Variants in CD34 observed in about 807,000 individuals in gnomAD.
The protein encoded by CD34 is hematopoietic progenitor cell antigen CD34.
Under a neutral mutation model 40.1 loss-of-function variants are expected in CD34, and 34 were observed. That is an observed-to-expected ratio of 0.85 (90% CI 0.65 to 1.13). CD34 has a LOEUF of 1.13. Ranked by LOEUF, CD34 falls within the 50% of genes most tolerant of loss-of-function variation. The probability of loss-of-function intolerance (pLI) is 0.00; values close to 1 mark genes in which losing one functional copy is unlikely to be tolerated. For synonymous variants in CD34, 209 were observed against 190.0 expected (o/e 1.10, Z -0.82); for missense variants, 426 against 466.9 (o/e 0.91, Z 0.81).
intron 4 of CD34, among the ~76,000 whole-genome samples, chr1:207,891,691 G>T (rs1370254260): frequency 6.6e-6 from 1 of 151,354 alleles, no homozygotes; most frequent in African/African-American, 2.4e-5. Flanking sequence ...AGTAACAGAT[G>T]CCTATGATAT....
chr1:207,909,440 G>T (rs186918029), intron 1 of CD34, among the ~76,000 whole-genome samples: 5 of 152,094 alleles, frequency 3.3e-5, no homozygotes, highest in South Asian at 2.1e-4. Context: ...AAGGAGTCTC[G>T]CTCTGTCTCC....
At position 207,897,483 on chromosome 1, in the gene CD34, GT is replaced by G. The variant is rs1558120502; in HGVS notation, c.597+9del. 6.4e-7 allele frequency: 1 copy of G among 1,550,804 alleles called. No homozygotes were observed. Among genetic ancestry groups the G allele is most frequent in the East Asian group, 2.4e-5 (1 of 41,492 alleles). On this transcript the variant is annotated intron_variant, in intron 4 of 7. Coordinates refer to ENST00000310833, the MANE Select transcript of CD34 (RefSeq NM_001025109.2). Reference sequence around the variant, plus strand: ...GCGGGAGGAAGAGGTTGGGTGGGGGGTTGACTTACACAGCTGGAGGTCTTAT... The same window carrying G: ...GCGGGAGGAAGAGGTTGGGTGGGGGGTGACTTACACAGCTGGAGGTCTTAT...
At chr1:207,907,991 C>T (rs151151359) in intron 1 of CD34, among the ~76,000 whole-genome samples, 385 of 152,286 alleles carry the variant, frequency 2.5e-3, no homozygotes, top group Non-Finnish European at 4.1e-3. Flanking sequence ...GGCCCAAGTA[C>T]CTGAGAGTGG....
intron 1 of CD34, among the ~76,000 whole-genome samples, chr1:207,902,256 G>A (rs1030550506): frequency 2.0e-5 from 3 of 152,200 alleles, no homozygotes; most frequent in Admixed American, 6.5e-5. Flanking sequence ...TTCATGAAGG[G>A]AAGCAGCAAT....
Position 207,882,083 on chromosome 1 carries a change from C to G in CD34, c.*5655G>C, listed in dbSNP as rs1661821136. 1 of 152,218 alleles carries G rather than the reference C, an allele frequency of 6.6e-6. No individual in the cohort carries two copies. 9.4% of individuals were successfully genotyped at this position (152,218 alleles called of 1,614,324 possible). On this transcript the variant is annotated 3_prime_UTR_variant, in exon 8 of 8. Transcript: ENST00000310833. The stretch of plus-strand genomic sequence containing the variant: ...TTCCAGACAAGATGGAGTGGACACA[C>G]TTTTTCTTATGCCTCCTGTTAACTA...
intron 1 of CD34, among the ~76,000 whole-genome samples, chr1:207,903,468 A>C (rs1308018731): frequency 6.6e-6 from 1 of 152,216 alleles, no homozygotes; most frequent in African/African-American, 2.4e-5. Flanking sequence ...AAGTTGAATA[A>C]AAAGCTCTCT....
At chr1:207,897,098 G>C (rs148949852) in intron 4 of CD34, among the ~76,000 whole-genome samples, 1 of 152,104 alleles carries the variant, frequency 6.6e-6, no homozygotes, top group East Asian at 1.9e-4. Context: ...AATAATAAAT[G>C]AACTGACATT....
At chr1:207,891,417 C>T (rs1036655363) in intron 4 of CD34, among the ~76,000 whole-genome samples, 2 of 152,156 alleles carry the variant, frequency 1.3e-5, no homozygotes, top group Non-Finnish European at 2.9e-5. Flanking sequence ...CGCGGTGACT[C>T]ATGCCTGTCA....
rs2102292700 is a variant in CD34, at chr1:207,885,828, A to T, written c.*1910T>A. On this transcript the variant is annotated 3_prime_UTR_variant, in exon 8 of 8. Transcript: ENST00000310833. ...AAGGGAAAGGTCTGGCTTTATGGAG[A>T]TAAGAATGGAAGAATCAACCTTTGT... is the stretch of plus-strand genomic sequence containing the variant. 6.6e-6 allele frequency: 1 copy of T among 152,306 alleles called. No homozygotes were observed. The highest frequency in any genetic ancestry group is 6.5e-5 in the Admixed American group (1 of 15,280). The allele number at this position is 152,306 out of a possible 1,614,324, so 9.4% of individuals were successfully genotyped here.
At chr1:207,905,026 T>C (rs1662348045) in intron 1 of CD34, among the ~76,000 whole-genome samples, 1 of 152,176 alleles carries the variant, frequency 6.6e-6, no homozygotes, top group African/African-American at 2.4e-5. Flanking sequence ...TTGTTGAGGG[T>C]CTAGTGTTAT....
In CD34 at chr1:207,889,574, A is replaced by G. The variant is rs147086682; in HGVS notation, c.645T>C (p.Cys215=). 6.2e-6 allele frequency: 10 copies of G among 1,613,918 alleles called. No homozygotes were observed. The African/African-American group carries it at 1.3e-4, about 22-fold the overall frequency. The change falls in exon 5 of 8, where the codon TGT becomes TGC. Residue 215 remains cysteine, a synonymous_variant. Transcript: ENST00000310833. ...DRGEGLARVL[C]GEEQADADAG... is the part of the protein sequence containing the mutation. Reference sequence around the variant, plus strand: ...CATCAGCATCAGCCTGCTCCTCCCCACACAGCACTCGGGCCAGGCCCTCTC... The same window carrying G: ...CATCAGCATCAGCCTGCTCCTCCCCGCACAGCACTCGGGCCAGGCCCTCTC...
intron 4 of CD34, chr1:207,889,946 A>T: frequency 6.8e-7 from 1 of 1,477,290 alleles, no homozygotes; most frequent in Non-Finnish European, 8.9e-7. Context: ...GGCCAAAAAC[A>T]GAAAATATTA....
At chr1:207,896,125 C>T (rs1662146242) in intron 4 of CD34, among the ~76,000 whole-genome samples, 1 of 152,116 alleles carries the variant, frequency 6.6e-6, no homozygotes. Context: ...TAATTTAAGC[C>T]CTCTACAGGC....
At chr1:207,900,117 C>G (rs1208770229) in intron 1 of CD34, 114 bp from the exon 2 acceptor site, 9 of 768,780 alleles carry the variant, frequency 1.2e-5, no homozygotes. Context: ...CCTGCTGCCC[C>G]TTGTTGGCAG....
rs977400642 is a variant in CD34 at position 207,881,161 on chromosome 1, C to G, written c.*6577G>C. The G allele has an allele frequency of 6.6e-6, 1 of 152,154 alleles. No homozygotes were observed. The highest frequency in any genetic ancestry group is 1.5e-5 in the Non-Finnish European group (1 of 68,036). 9.4% of individuals were successfully genotyped at this position (152,154 alleles called of 1,614,324 possible). The stretch of plus-strand genomic sequence containing the variant: ...TACTGAAATAGTAACATATCTAGAG[C>G]CGCGGTTCTCAAAGCATGATCCAAG... On this transcript the variant is annotated 3_prime_UTR_variant, in exon 8 of 8. Transcript: ENST00000310833.
chr1:207,893,843 G>C (rs1335292470), intron 4 of CD34, among the ~76,000 whole-genome samples: 4 of 152,142 alleles, frequency 2.6e-5, no homozygotes, highest in Non-Finnish European at 4.4e-5. Flanking sequence ...AATCATCAGG[G>C]AAATGCAAAT....
Position 207,888,951 on chromosome 1 carries a change from G to C in CD34, c.808-105C>G, listed in dbSNP as rs1003200618. 6.0e-6 allele frequency: 7 copies of C among 1,161,704 alleles called. No individual in the cohort carries two copies. In the Admixed American group the frequency reaches 1.2e-4, roughly 21 times the overall value. The allele number at this position is 1,161,704 out of a possible 1,614,324, so 72.0% of individuals were successfully genotyped here. On this transcript the variant is annotated intron_variant, in intron 6 of 7. Coordinates refer to ENST00000310833, the MANE Select transcript of CD34 (RefSeq NM_001025109.2). ...CTCAACAGTGAACAGATGCTTGAGG[G>C]CATTGACCTCAGGAATTTTTGAAAT...
intron 3 of CD34, 66 bp downstream of exon 3, chr1:207,898,907 G>C (rs1317391995): frequency 2.2e-5 from 35 of 1,556,532 alleles, no homozygotes; most frequent in Admixed American, 5.1e-5. Flanking sequence ...TGGAGGGAAA[G>C]AAACAGCTTG....
At chr1:207,906,844 C>CAAATAAATAAAT (rs10687613) in intron 1 of CD34, among the ~76,000 whole-genome samples, 246 of 148,610 alleles carry the variant, frequency 1.7e-3, no homozygotes, top group East Asian at 0.011. Context: ...AACTTCTTCT[C>CAAATAAATAAAT]AAATAAATAA....
Sources: gnomAD v4.1 joint callset for allele counts (sites outside exome capture counted in the v4.1 genomes callset) on GRCh38, gnomAD v4.1.1 for gene constraint, MANE v1.5 for transcripts, NCBI Gene and HGNC (gene_info 2026-07-23, HGNC 2026-07-21) for gene names.